The following ACER3 variants were observed in gnomAD, a reference collection of about 807,000 sequenced individuals.
The protein encoded by ACER3 is alkaline ceramidase 3.
ACER3 carries 16 observed loss-of-function variants against 48.9 expected under a neutral mutation model. That is an observed-to-expected ratio of 0.33 (90% CI 0.22 to 0.50). The LOEUF (loss-of-function observed/expected upper bound fraction) is 0.50, where lower values mean the gene tolerates loss of function less well. Among genes scored for constraint, ACER3 ranks in the 20% least tolerant of loss-of-function variants. ACER3 has a pLI of 0.98. For synonymous variants in ACER3, 109 were observed against 107.8 expected (o/e 1.01, Z -0.07); for missense variants, 227 against 326.0 (o/e 0.70, Z 2.34).
At chr11:77,002,817 A>G (rs945954487) in intron 7 of ACER3, among the ~76,000 whole-genome samples, 16 of 152,370 alleles carry the variant, frequency 1.1e-4, no homozygotes, top group Non-Finnish European at 2.2e-4. Context: ...CCTATAAGAC[A>G]TTAGGCTAAG....
chr11:76,866,536 C>T (rs1489228012), intron 1 of ACER3, among the ~76,000 whole-genome samples: 1 of 152,188 alleles, frequency 6.6e-6, no homozygotes, highest in Non-Finnish European at 1.5e-5. Flanking sequence ...TATTCAGCTA[C>T]TCACAATTAG....
At chr11:77,003,338 TTATG>T (rs1212938712) in intron 7 of ACER3, among the ~76,000 whole-genome samples, 1 of 152,192 alleles carries the variant, frequency 6.6e-6, no homozygotes, top group Non-Finnish European at 1.5e-5. Flanking sequence ...TCATCAAAAT[TTATG>T]TGTGTAGCAT....
At chr11:76,865,324 G>T (rs1289939598) in intron 1 of ACER3, among the ~76,000 whole-genome samples, 5 of 151,668 alleles carry the variant, frequency 3.3e-5, no homozygotes, top group Admixed American at 1.3e-4. Context: ...TTTCTAATTT[G>T]TATCAGCTTC....
chr11:76,867,469 A>C (rs1221490028), intron 1 of ACER3, among the ~76,000 whole-genome samples: 5 of 23,154 alleles, frequency 2.2e-4, no homozygotes, highest in Admixed American at 1.8e-3. Context: ...ACTCTGTCTC[A>C]AAAAAAAAAA....
chr11:77,012,710 C>T (rs1555022463), intron 7 of ACER3, among the ~76,000 whole-genome samples: 1 of 152,102 alleles, frequency 6.6e-6, no homozygotes, highest in African/African-American at 2.4e-5. Flanking sequence ...GGATTATAAA[C>T]TTCAATATTG....
At chr11:76,988,977 A>G (rs1948740687) in intron 5 of ACER3, among the ~76,000 whole-genome samples, 1 of 152,222 alleles carries the variant, frequency 6.6e-6, no homozygotes. Flanking sequence ...TATATATTTT[A>G]TGTTAGTTGT....
At chr11:76,938,705 A>G (rs192277911) in intron 2 of ACER3, among the ~76,000 whole-genome samples, 2 of 152,342 alleles carry the variant, frequency 1.3e-5, no homozygotes, top group Admixed American at 6.5e-5. Flanking sequence ...AAGGCAAGGA[A>G]AAAACCCTGT....
chr11:76,965,281 A>C (rs1037485354), intron 3 of ACER3, among the ~76,000 whole-genome samples: 7 of 151,338 alleles, frequency 4.6e-5, no homozygotes, highest in Non-Finnish European at 1.0e-4. Context: ...AAAGAAACGA[A>C]CAAAGCCTCC....
At chr11:76,952,668 C>CTTTTTT (rs398016733) in intron 2 of ACER3, among the ~76,000 whole-genome samples, 4 of 132,992 alleles carry the variant, frequency 3.0e-5, no homozygotes, top group East Asian at 2.3e-4. Context: ...CGTAAGATTT[C>CTTTTTT]TTTTTTTTTT....
intron 1 of ACER3, among the ~76,000 whole-genome samples, chr11:76,921,313 A>G (rs1946680618): frequency 6.6e-6 from 1 of 152,222 alleles, no homozygotes; most frequent in Admixed American, 6.5e-5. Flanking sequence ...TAATTAAAAC[A>G]AATTTTTAAT....
intron 2 of ACER3, chr11:76,957,546 C>A (rs375081781): frequency 4.7e-6 from 2 of 429,550 alleles, no homozygotes; most frequent in Non-Finnish European, 9.3e-6. Flanking sequence ...CAGGTTTACG[C>A]GATCCTTCTG....
Position 76,900,853 on chromosome 11 carries a change from A to G in ACER3, c.104-25704A>G, listed in dbSNP as rs149863893. On this transcript the variant is annotated intron_variant, in intron 1 of 10. Transcript: ENST00000532485. ...GGTATTTAATTTCTCCAAGGTTCAT[A>G]TCTTGAAACCCTTCACCCTCTACCT... Among the ~76,000 whole-genome samples, 18 of 152,272 alleles carry G rather than the reference A, an allele frequency of 1.2e-4. No homozygotes were observed. The East Asian group carries it at 3.1e-3, about 26-fold the overall frequency.
At position 76,959,158 on chromosome 11, in the gene ACER3, T is replaced by TA. The variant is rs1305236977; in HGVS notation, c.267+127_267+128insA. The TA allele has an allele frequency of 2.6e-6, 4 of 1,545,950 alleles. No homozygotes were observed. In the African/African-American group the frequency reaches 5.5e-5, roughly 21 times the overall value. On this transcript the variant is annotated intron_variant, in intron 3 of 10. Coordinates refer to ENST00000532485, the MANE Select transcript of ACER3 (RefSeq NM_018367.7). ...AATCTCTGGAGTTTTTTACTTCAAG[T>TA]CTGAGGATCCAAACTGACTAAGTGA...
intron 1 of ACER3, among the ~76,000 whole-genome samples, chr11:76,863,238 T>TA (rs1156945586): frequency 3.3e-5 from 5 of 151,958 alleles, no homozygotes; most frequent in Non-Finnish European, 5.9e-5. Flanking sequence ...AAAAAAAATA[T>TA]AAAAAATGCA....
chr11:76,931,445 G>A (rs1210729934), intron 2 of ACER3, among the ~76,000 whole-genome samples: 1 of 151,508 alleles, frequency 6.6e-6, no homozygotes, highest in East Asian at 1.9e-4. Flanking sequence ...TCTTTTAATT[G>A]GAGCATTTAG....
chr11:76,864,361 G>A (rs1945019583), intron 1 of ACER3, among the ~76,000 whole-genome samples: 2 of 152,100 alleles, frequency 1.3e-5, no homozygotes, highest in African/African-American at 4.8e-5. Context: ...AATAATCAAT[G>A]GGAAAAGTTA....
At chr11:76,889,821 T>C (rs1175505324) in intron 1 of ACER3, among the ~76,000 whole-genome samples, 3 of 152,128 alleles carry the variant, frequency 2.0e-5, no homozygotes, top group Non-Finnish European at 4.4e-5. Context: ...AATTATTCTA[T>C]TTTTCATTTC....
rs529592921 is a variant in ACER3 at position 76,942,229 on chromosome 11, A to G, written c.214+15562A>G. Among the ~76,000 whole-genome samples the G allele has an allele frequency of 7.9e-5, 12 of 152,270 alleles. No individual in the cohort carries two copies. In the South Asian group the frequency reaches 2.3e-3, roughly 29 times the overall value. On this transcript the variant is annotated intron_variant, in intron 2 of 10. Transcript: ENST00000532485. The stretch of plus-strand genomic sequence containing the variant: ...TTGAATAAGAGTGGTGAAAGTGGGC[A>G]TCCTTGTCTTGTTCCAGTTCTTAGA...
chr11:77,006,847 T>C (rs775833195), intron 7 of ACER3, among the ~76,000 whole-genome samples: 1 of 152,180 alleles, frequency 6.6e-6, no homozygotes, highest in Non-Finnish European at 1.5e-5. Flanking sequence ...GCAGGGCTCA[T>C]GCCTGTAATC....
Sources: gnomAD v4.1 joint callset for allele counts (sites outside exome capture counted in the v4.1 genomes callset) on GRCh38, gnomAD v4.1.1 for gene constraint, MANE v1.5 for transcripts, NCBI Gene and HGNC (gene_info 2026-07-23, HGNC 2026-07-21) for gene names.